Variants in ADAMTS20 observed in about 807,000 individuals in gnomAD.
ADAMTS20 encodes the protein A disintegrin and metalloproteinase with thrombospondin motifs 20.
In ADAMTS20, 225 loss-of-function variants were observed where a neutral mutation model predicts 260.1. The ratio of observed to expected loss-of-function variants is 0.87; its 90% CI spans 0.78 to 0.97. The LOEUF (loss-of-function observed/expected upper bound fraction) is 0.97, where lower values mean the gene tolerates loss of function less well. Among genes scored for constraint, ADAMTS20 ranks in the 50% least tolerant of loss-of-function variants. The pLI, the probability that ADAMTS20 is intolerant of heterozygous loss-of-function variation, is 0.00. For synonymous variants in ADAMTS20, 802 were observed against 769.5 expected (o/e 1.04, Z -0.70); for missense variants, 2,400 against 2,337.7 (o/e 1.03, Z -0.55).
intron 4 of ADAMTS20, among the ~76,000 whole-genome samples, chr12:43,499,410 C>G (rs1942723725): frequency 6.6e-6 from 1 of 152,016 alleles, no homozygotes; most frequent in Non-Finnish European, 1.5e-5. Flanking sequence ...TCAATTAACT[C>G]TGGCTTTAAA....
chr12:43,416,089 C>G (rs1298327991), intron 28 of ADAMTS20, among the ~76,000 whole-genome samples: 2 of 152,182 alleles, frequency 1.3e-5, no homozygotes, highest in Admixed American at 1.3e-4. Flanking sequence ...GATGCCACCC[C>G]ACCCTTGGGT....
At chr12:43,423,192 T>A (rs1195715048) in intron 28 of ADAMTS20, 1 of 152,246 alleles carries the variant, frequency 6.6e-6, no homozygotes, top group Admixed American at 6.5e-5. Context: ...GCTTTGTGAG[T>A]TACAGAGTTT....
At chr12:43,526,767 C>T (rs1943149265) in intron 3 of ADAMTS20, among the ~76,000 whole-genome samples, 1 of 152,034 alleles carries the variant, frequency 6.6e-6, no homozygotes, top group Non-Finnish European at 1.5e-5. Context: ...CTAATATACA[C>T]CTCAAGGAAC....
intron 3 of ADAMTS20, among the ~76,000 whole-genome samples, chr12:43,524,709 C>T (rs566650489): frequency 6.6e-6 from 1 of 152,168 alleles, no homozygotes; most frequent in African/African-American, 2.4e-5. Flanking sequence ...TAGGGAAATA[C>T]AAAATGCAGT....
At chr12:43,399,439 G>T (rs1351910052) in intron 28 of ADAMTS20, among the ~76,000 whole-genome samples, 1 of 152,070 alleles carries the variant, frequency 6.6e-6, no homozygotes. Flanking sequence ...AAGGTAATAT[G>T]ATTACATTTT....
intron 2 of ADAMTS20, among the ~76,000 whole-genome samples, chr12:43,547,362 G>A (rs1297869889): frequency 6.6e-6 from 1 of 152,134 alleles, no homozygotes; most frequent in Admixed American, 6.5e-5. Flanking sequence ...GGGGGAGGGG[G>A]AAAGGCAATG....
At chr12:43,492,748 A>ATGCTGTCACTC in intron 5 of ADAMTS20, 119 bp from the exon 6 acceptor site, 1 of 1,123,160 alleles carries the variant, frequency 8.9e-7, no homozygotes, top group Non-Finnish European at 1.3e-6. Flanking sequence ...TGAAGGAGTG[A>ATGCTGTCACTC]CAGCATCTCT....
chr12:43,483,373 G>T (rs1274463816), intron 7 of ADAMTS20, among the ~76,000 whole-genome samples: 1 of 152,136 alleles, frequency 6.6e-6, no homozygotes, highest in African/African-American at 2.4e-5. Context: ...TTTTCCACCT[G>T]TGGGGAGTTT....
intron 7 of ADAMTS20, among the ~76,000 whole-genome samples, chr12:43,487,341 C>G (rs1942538168): frequency 6.7e-6 from 1 of 150,020 alleles, no homozygotes; most frequent in Non-Finnish European, 1.5e-5. Context: ...ACTGCATGTT[C>G]TCACTTATAA....
intron 4 of ADAMTS20, among the ~76,000 whole-genome samples, chr12:43,493,510 C>T (rs1942636171): frequency 6.6e-6 from 1 of 152,102 alleles, no homozygotes; most frequent in Admixed American, 6.6e-5. Context: ...TGAGACTGAT[C>T]CATGGATCAG....
At chr12:43,374,148 A>T (rs1220874847) in intron 36 of ADAMTS20, among the ~76,000 whole-genome samples, 1 of 152,134 alleles carries the variant, frequency 6.6e-6, no homozygotes, top group East Asian at 1.9e-4. Context: ...TTACACCCAG[A>T]CAGTCTAGAG....
In ADAMTS20 at chr12:43,450,688, G is replaced by A. The variant is rs565996787; in HGVS notation, c.2079+1586C>T. Among the ~76,000 whole-genome samples the A allele has an allele frequency of 2.0e-5, 3 of 151,444 alleles. No individual in the cohort carries two copies. In the Admixed American group the frequency reaches 2.0e-4, roughly 10 times the overall value. The stretch of plus-strand genomic sequence containing the variant: ...CCTATAGAGCTCCACTTTAACTGAA[G>A]GAATAAGTTCATAACTTATACTTAT... On this transcript the variant is annotated intron_variant, in intron 14 of 38. Coordinates refer to ENST00000389420, the MANE Select transcript of ADAMTS20 (RefSeq NM_025003.5).
intron 38 of ADAMTS20, 41 bp from the exon 39 acceptor site, chr12:43,354,339 G>C: frequency 7.0e-7 from 1 of 1,430,218 alleles, no homozygotes; most frequent in South Asian, 1.2e-5. Context: ...TCTTATACAA[G>C]CTGGTATCTG....
chr12:43,376,330 C>T lies in ADAMTS20; in HGVS notation c.5126G>A (p.Cys1709Tyr), dbSNP rs149125994. 84 of 1,545,878 alleles carry T rather than the reference C, an allele frequency of 5.4e-5. No individual in the cohort carries two copies. In the African/African-American group the frequency reaches 8.1e-4, roughly 15 times the overall value. ...TTCTTTGCAGGTGGTAAATGATTTA[C>T]CTTCAAAGACAAATTAACACAACTT... ...GAQKKCYANDCKSFTTCKEIQ... is the reference protein window; with the variant it reads ...GAQKKCYANDYKSFTTCKEIQ... Residue 1709 changes from cysteine to tyrosine, a missense_variant and splice_region_variant, in exon 34 of 39, where the codon TGT becomes TAT. Cys to Tyr is a radical substitution (Grantham distance 194). Transcript: ENST00000389420.
chr12:43,487,133 C>T (rs1942533308), intron 7 of ADAMTS20, among the ~76,000 whole-genome samples: 1 of 152,104 alleles, frequency 6.6e-6, no homozygotes, highest in African/African-American at 2.4e-5. Flanking sequence ...CATATGCTAT[C>T]TCAGCACAAT....
At chr12:43,528,086 C>T (rs140550805) in intron 3 of ADAMTS20, among the ~76,000 whole-genome samples, 6 of 151,774 alleles carry the variant, frequency 4.0e-5, no homozygotes, top group Admixed American at 2.0e-4. Flanking sequence ...ATCCCTTTTA[C>T]AATAGCTGCA....
chr12:43,457,065 A>G (rs1488708216), intron 11 of ADAMTS20, among the ~76,000 whole-genome samples: 1 of 152,194 alleles, frequency 6.6e-6, no homozygotes, highest in Non-Finnish European at 1.5e-5. Context: ...TATATTTAAC[A>G]ATGTGTAGGA....
chr12:43,460,988 A>ATTTTTTTT (rs1161740021), intron 11 of ADAMTS20, among the ~76,000 whole-genome samples: 20 of 26,390 alleles, frequency 7.6e-4, no homozygotes, highest in African/African-American at 8.9e-4. Context: ...ATATATATAT[A>ATTTTTTTT]TTTTTTTTTT....
At chr12:43,499,327 T>TG (rs1424584117) in intron 4 of ADAMTS20, among the ~76,000 whole-genome samples, 2 of 152,078 alleles carry the variant, frequency 1.3e-5, no homozygotes, top group Non-Finnish European at 2.9e-5. Context: ...GCACATGCAT[T>TG]GGTCTGTTGT....
Sources: gnomAD v4.1 joint callset for allele counts (sites outside exome capture counted in the v4.1 genomes callset) on GRCh38, gnomAD v4.1.1 for gene constraint, MANE v1.5 for transcripts, NCBI Gene and HGNC (gene_info 2026-07-23, HGNC 2026-07-21) for gene names.